Variants in FOCAD observed in about 807,000 individuals in gnomAD.
FOCAD encodes KIAA1797.
A neutral mutation model predicts 225.6 loss-of-function variants in FOCAD; 198 were observed. The ratio of observed to expected loss-of-function variants is 0.88; its 90% CI spans 0.78 to 0.99. The LOEUF (loss-of-function observed/expected upper bound fraction) is 0.99. Ranked by LOEUF, FOCAD falls within the 50% of genes least tolerant of loss-of-function variation. The probability of loss-of-function intolerance (pLI) is 0.00; values close to 1 mark genes in which losing one functional copy is unlikely to be tolerated. For synonymous variants in FOCAD, 897 were observed against 755.0 expected, an observed-to-expected ratio of 1.19 and a Z score of -3.08; for missense variants, 2,713 against 2,123.6, an observed-to-expected ratio of 1.28 and a Z score of -5.46.
chr9:20,829,488 C>T (rs1266491181), intron 15 of FOCAD, among the ~76,000 whole-genome samples: 2 of 151,888 alleles, frequency 1.3e-5, no homozygotes, highest in Non-Finnish European at 2.9e-5. Flanking sequence ...TTTGCATTTC[C>T]CCGATGACTA....
At chr9:20,882,139 A>G in intron 20 of FOCAD, 83 bp downstream of exon 20, 1 of 1,238,724 alleles carries the variant, frequency 8.1e-7, no homozygotes, top group Non-Finnish European at 1.1e-6. Context: ...ATAATGGGCC[A>G]TGGCAGGGTG....
rs766913708 is a variant in FOCAD at position 20,978,404 on chromosome 9, G to T, written c.4327G>T (p.Ala1443Ser). The T allele has an allele frequency of 1.2e-6, 2 of 1,612,222 alleles. No homozygotes were observed. The highest frequency in any genetic ancestry group is 2.2e-5 in the South Asian group (2 of 90,728). The stretch of plus-strand genomic sequence containing the variant: ...CCAGGCACAGTCATCCCAGAATGCA[G>T]CTGCACTATTGGGCTTGTGGGTGAC... ...VTQAQSSQNAAALLGLWVTPP... is the reference protein window; with the variant it reads ...VTQAQSSQNASALLGLWVTPP... Residue 1443 changes from alanine to serine, a missense_variant, in exon 37 of 44, where the codon GCT (alanine) becomes TCT (serine). Ala to Ser is a moderately conservative substitution (Grantham distance 99, BLOSUM62 1). Transcript: ENST00000338382.
chr9:20,935,963 A>G (rs1835908171), intron 28 of FOCAD, among the ~76,000 whole-genome samples: 1 of 152,236 alleles, frequency 6.6e-6, no homozygotes, highest in African/African-American at 2.4e-5. Flanking sequence ...GATAAAAATG[A>G]AAAATAATCA....
At chr9:20,939,133 G>C (rs1022807981) in intron 28 of FOCAD, among the ~76,000 whole-genome samples, 2 of 80,992 alleles carry the variant, frequency 2.5e-5, no homozygotes, top group African/African-American at 8.6e-5. Flanking sequence ...CTGGGCGACA[G>C]AGCGAGACTC....
intron 5 of FOCAD, among the ~76,000 whole-genome samples, chr9:20,753,972 T>G (rs1828808972): frequency 6.6e-6 from 1 of 152,164 alleles, no homozygotes; most frequent in Non-Finnish European, 1.5e-5. Flanking sequence ...ATAGCTGGTT[T>G]GGGGATAATT....
chr9:20,881,884 T>C lies in FOCAD; in HGVS notation c.2331T>C (p.Phe777=). Residue 777 remains phenylalanine (F), a synonymous_variant, in exon 20 of 44, where the codon TTT becomes TTC. Transcript: ENST00000338382. ...PPLVLPALEE[F]FTSLVKQEMV... is the part of the protein sequence containing the mutation. ...ATCCTCTTTTAGCTTTGGAGGAATTTTTTACATCACTTGTGAAGCAAGAAA... is the reference window on the plus strand; with the variant it reads ...ATCCTCTTTTAGCTTTGGAGGAATTCTTTACATCACTTGTGAAGCAAGAAA... 6.2e-7 allele frequency: 1 copy of C among 1,612,576 alleles called. No homozygotes were observed. The highest frequency in any genetic ancestry group is 8.5e-7 in the Non-Finnish European group (1 of 1,179,538).
chr9:20,976,061 G>T (rs1035712327), intron 35 of FOCAD, among the ~76,000 whole-genome samples: 2 of 152,206 alleles, frequency 1.3e-5, no homozygotes, highest in African/African-American at 4.8e-5. Context: ...TAGATAAAAA[G>T]ATTTTGAATG....
At chr9:20,751,928 A>C (rs1395366541) in intron 5 of FOCAD, among the ~76,000 whole-genome samples, 23 of 143,048 alleles carry the variant, frequency 1.6e-4, no homozygotes, top group Middle Eastern at 6.8e-3. Flanking sequence ...GCATTTTTTC[A>C]TGTGTTTTTT....
At chr9:20,909,015 G>C (rs943151942) in intron 22 of FOCAD, among the ~76,000 whole-genome samples, 1 of 151,986 alleles carries the variant, frequency 6.6e-6, no homozygotes, top group African/African-American at 2.4e-5. Context: ...ATGGGCACCT[G>C]GAGAAAGGGA....
chr9:20,814,817 A>G (rs761022544), intron 11 of FOCAD, among the ~76,000 whole-genome samples: 2 of 152,098 alleles, frequency 1.3e-5, no homozygotes, highest in Admixed American at 6.6e-5. Flanking sequence ...TATGTTACCA[A>G]TGTCACAAAT....
chr9:20,860,197 GGTGCA>G (rs1431079815), intron 15 of FOCAD, among the ~76,000 whole-genome samples: 1 of 152,050 alleles, frequency 6.6e-6, no homozygotes, highest in Non-Finnish European at 1.5e-5. Context: ...AATTAATATT[GGTGCA>G]GTGCTGTTAA....
intron 7 of FOCAD, among the ~76,000 whole-genome samples, chr9:20,767,215 A>T (rs1830124981): frequency 6.6e-6 from 1 of 151,340 alleles, no homozygotes; most frequent in Admixed American, 6.6e-5. Context: ...TTCTTAATCC[A>T]GTCTATCATT....
rs748752510 is a variant in FOCAD, at chr9:20,758,195, A to AAATAAAAG, written c.494+4_494+5insAATAAAAG. On this transcript the variant is annotated splice_donor_region_variant and intron_variant, in intron 6 of 43. Coordinates refer to ENST00000338382, the MANE Select transcript of FOCAD (RefSeq NM_001375567.1). ...TTTTCCAGCAGTGCCCTGAAAGGTA[A>AAATAAAAG]TGTAAAATAAAAGTGTAAAATAAAG... 2.5e-6 allele frequency: 4 copies of AAATAAAAG among 1,605,180 alleles called. No individual in the cohort carries two copies. Among genetic ancestry groups the AAATAAAAG allele is most frequent in the East Asian group, 2.2e-5 (1 of 44,682 alleles).
chr9:20,963,620 A>T (rs979696994), intron 35 of FOCAD, among the ~76,000 whole-genome samples: 2 of 152,242 alleles, frequency 1.3e-5, no homozygotes, highest in Admixed American at 6.5e-5. Context: ...AAATGGAGAG[A>T]TGTAATTCTT....
intron 21 of FOCAD, among the ~76,000 whole-genome samples, chr9:20,901,599 A>G (rs1832570692): frequency 6.6e-6 from 1 of 151,916 alleles, no homozygotes; most frequent in Non-Finnish European, 1.5e-5. Flanking sequence ...TCTGAACTGT[A>G]AATTAACTAA....
intron 21 of FOCAD, among the ~76,000 whole-genome samples, chr9:20,901,395 T>A (rs1394756787): frequency 6.6e-6 from 1 of 151,876 alleles, no homozygotes; most frequent in Non-Finnish European, 1.5e-5. Flanking sequence ...TTAGTTTACT[T>A]GTCAATTTTT....
chr9:20,991,610 C>T (rs746826032), intron 42 of FOCAD, among the ~76,000 whole-genome samples: 4 of 151,944 alleles, frequency 2.6e-5, no homozygotes, highest in Admixed American at 6.6e-5. Context: ...GTCAGGAGTT[C>T]GAGTCCAACC....
chr9:20,861,800 T>G (rs1828795300), intron 15 of FOCAD, among the ~76,000 whole-genome samples: 1 of 152,182 alleles, frequency 6.6e-6, no homozygotes, highest in Non-Finnish European at 1.5e-5. Context: ...TGTGTTTGCA[T>G]TCTTCCTATC....
chr9:20,923,601 T>C, intron 24 of FOCAD, 59 bp from the exon 25 acceptor site: 1 of 1,357,582 alleles, frequency 7.4e-7, no homozygotes, highest in South Asian at 1.2e-5. Flanking sequence ...ATATTAGCTC[T>C]TTCTCTTCTT....
Sources: allele counts gnomAD v4.1 joint callset (sites outside exome capture counted in the v4.1 genomes callset), GRCh38; gene constraint gnomAD v4.1.1; transcripts MANE v1.5; gene names NCBI Gene and HGNC (gene_info 2026-07-23, HGNC 2026-07-21).